ADGRB3: variants seen among roughly 807,000 people sequenced by gnomAD.
ADGRB3 encodes adhesion G protein-coupled receptor B3, also known as brain-specific angiogenesis inhibitor 3.
In ADGRB3, 37 loss-of-function variants were observed where a neutral mutation model predicts 193.4. That is an observed-to-expected ratio of 0.19 (90% CI 0.15 to 0.25). The LOEUF is 0.25. ADGRB3 is among the 10% of genes least tolerant of loss of function. ADGRB3 has a pLI of 1.00. For missense variants in ADGRB3, 1,637 were observed against 1,852.9 expected, an observed-to-expected ratio of 0.88 and a Z score of 2.14; for synonymous variants, 690 against 644.2, an observed-to-expected ratio of 1.07 and a Z score of -1.08.
At chr6:68,816,748 GA>G (rs147465877) in intron 3 of ADGRB3, among the ~76,000 whole-genome samples, 2 of 151,494 alleles carry the variant, frequency 1.3e-5, no homozygotes. Context: ...ATGAGAAAAA[GA>G]AAAAAAATAA....
In ADGRB3 at chr6:69,219,819, T is replaced by C. The variant is rs117859064; in HGVS notation, c.2481-13471T>C. On this transcript the variant is annotated intron_variant, in intron 17 of 31. Coordinates refer to ENST00000370598, the MANE Select transcript of ADGRB3 (RefSeq NM_001704.3). ...AAATCAGTGTCAAAATTCCCTTACA[T>C]TTTACATCCTTTACCTTAAATAATA... 4.1e-3 allele frequency among the ~76,000 whole-genome samples: 623 copies of C among 152,020 alleles called. 1 individual carries two copies. The highest frequency in any genetic ancestry group is 7.6e-3 in the Non-Finnish European group (516 of 67,892).
At chr6:69,007,210 A>T (rs1336638) in intron 11 of ADGRB3, among the ~76,000 whole-genome samples, 1 of 152,012 alleles carries the variant, frequency 6.6e-6, no homozygotes, top group East Asian at 1.9e-4. Context: ...TCGTCATGTC[A>T]TTTCTCTAAA....
chr6:69,036,107 G>A (rs1770863907), intron 13 of ADGRB3, among the ~76,000 whole-genome samples: 1 of 152,130 alleles, frequency 6.6e-6, no homozygotes, highest in Non-Finnish European at 1.5e-5. Flanking sequence ...TGTGAAGTAT[G>A]TCTTTCACTA....
intron 31 of ADGRB3, among the ~76,000 whole-genome samples, chr6:69,388,109 T>TGATA (rs1770112787): frequency 4.1e-5 from 2 of 48,630 alleles, no homozygotes; most frequent in Non-Finnish European, 1.0e-4. Flanking sequence ...AAATTTTATC[T>TGATA]CATAATTATT....
At chr6:69,300,019 A>C (rs1388929001) in intron 20 of ADGRB3, among the ~76,000 whole-genome samples, 1 of 151,842 alleles carries the variant, frequency 6.6e-6, no homozygotes, top group East Asian at 1.9e-4. Context: ...AAGACTACAA[A>C]AAAAGGAAAC....
chr6:68,797,251 C>T (rs1012413998), intron 3 of ADGRB3, among the ~76,000 whole-genome samples: 1 of 152,076 alleles, frequency 6.6e-6, no homozygotes, highest in Non-Finnish European at 1.5e-5. Context: ...CAGTTCACTG[C>T]CCAGTGAGAG....
intron 3 of ADGRB3, among the ~76,000 whole-genome samples, chr6:68,808,100 A>C (rs1767441876): frequency 6.6e-6 from 1 of 152,096 alleles, no homozygotes; most frequent in Non-Finnish European, 1.5e-5. Context: ...CTCCTGAAAA[A>C]ATAAAGACAA....
chr6:69,326,274 A>G (rs1173829436), intron 21 of ADGRB3, among the ~76,000 whole-genome samples: 4 of 152,166 alleles, frequency 2.6e-5, no homozygotes, highest in Admixed American at 6.6e-5. Flanking sequence ...ACTTTGTTCT[A>G]CTTAGAATTT....
intron 8 of ADGRB3, among the ~76,000 whole-genome samples, chr6:68,968,861 AGTT>A (rs1394014309): frequency 6.6e-6 from 1 of 152,180 alleles, no homozygotes; most frequent in African/African-American, 2.4e-5. Context: ...TGTCCAACAT[AGTT>A]GTTATTTCAA....
intron 20 of ADGRB3, among the ~76,000 whole-genome samples, chr6:69,315,570 G>A (rs1025911281): frequency 8.6e-5 from 13 of 151,396 alleles, no homozygotes; most frequent in Non-Finnish European, 1.9e-4. Context: ...TCTGAATAAT[G>A]TAAATATGCA....
At chr6:68,984,516 TA>T (rs899239151) in intron 10 of ADGRB3, among the ~76,000 whole-genome samples, 1 of 152,186 alleles carries the variant, frequency 6.6e-6, no homozygotes, top group Non-Finnish European at 1.5e-5. Flanking sequence ...GATTAGGAAG[TA>T]AAAAATGGTT....
intron 6 of ADGRB3, among the ~76,000 whole-genome samples, chr6:68,947,915 T>G (rs1030147131): frequency 2.6e-5 from 4 of 151,904 alleles, no homozygotes; most frequent in Admixed American, 6.6e-5. Flanking sequence ...CTCTTGAGAG[T>G]GAGGGGAAAC....
intron 13 of ADGRB3, among the ~76,000 whole-genome samples, chr6:69,047,138 C>T (rs1244482887): frequency 1.3e-5 from 2 of 152,114 alleles, no homozygotes; most frequent in East Asian, 3.9e-4. Flanking sequence ...GGATTACAGG[C>T]GTGAGCCACC....
At chr6:69,077,237 C>G (rs1367687856) in intron 17 of ADGRB3, among the ~76,000 whole-genome samples, 1 of 151,772 alleles carries the variant, frequency 6.6e-6, no homozygotes, top group Non-Finnish European at 1.5e-5. Flanking sequence ...AAAATTTTTG[C>G]AAGCTTTCTC....
chr6:68,670,763 A>G (rs185105449), intron 3 of ADGRB3, among the ~76,000 whole-genome samples: 71 of 151,978 alleles, frequency 4.7e-4, no homozygotes, highest in African/African-American at 1.6e-3. Context: ...GTTCCATACA[A>G]ATTTTTGGAT....
At chr6:69,148,222 T>C (rs1774562197) in intron 17 of ADGRB3, among the ~76,000 whole-genome samples, 1 of 152,184 alleles carries the variant, frequency 6.6e-6, no homozygotes, top group Non-Finnish European at 1.5e-5. Flanking sequence ...CCTTCCTTCC[T>C]GTCTTCCTTT....
intron 17 of ADGRB3, among the ~76,000 whole-genome samples, chr6:69,133,370 TA>T (rs1774065795): frequency 6.6e-6 from 1 of 152,196 alleles, no homozygotes; most frequent in Non-Finnish European, 1.5e-5. Context: ...CTAGGTATTT[TA>T]TTTTCTTTGT....
intron 3 of ADGRB3, among the ~76,000 whole-genome samples, chr6:68,911,435 T>G (rs565478430): frequency 6.6e-6 from 1 of 150,732 alleles, no homozygotes; most frequent in East Asian, 2.0e-4. Context: ...AAAAAGGAAA[T>G]TTTGAGGGTA....
At chr6:69,292,871 C>A (rs1767720128) in intron 20 of ADGRB3, among the ~76,000 whole-genome samples, 1 of 148,692 alleles carries the variant, frequency 6.7e-6, no homozygotes, top group Non-Finnish European at 1.5e-5. Context: ...CCTCCCCCGT[C>A]CCCCCACCCC....
Sources: gnomAD v4.1 joint callset for allele counts (sites outside exome capture counted in the v4.1 genomes callset) on GRCh38, gnomAD v4.1.1 for gene constraint, MANE v1.5 for transcripts, NCBI Gene and HGNC (gene_info 2026-07-23, HGNC 2026-07-21) for gene names.